PTPRZ1: variants seen among roughly 807,000 people sequenced by gnomAD.
PTPRZ1 encodes the protein protein tyrosine phosphatase receptor type Z1.
In PTPRZ1, 82 loss-of-function variants were observed where a neutral mutation model predicts 214.1. That is an observed-to-expected ratio of 0.38 (90% confidence interval 0.32 to 0.46). PTPRZ1 has a LOEUF of 0.46. PTPRZ1 is among the 20% of genes least tolerant of loss of function. The probability of loss-of-function intolerance (pLI) is 1.00; values close to 1 mark genes in which losing one functional copy is unlikely to be tolerated. For synonymous variants in PTPRZ1, 945 were observed against 987.9 expected, an observed-to-expected ratio of 0.96 and a Z score of 0.81; for missense variants, 2,603 against 2,748.7, an observed-to-expected ratio of 0.95 and a Z score of 1.19.
In PTPRZ1 at chr7:122,042,713, T is replaced by C. The variant is rs762549164; in HGVS notation, c.5907T>C (p.Arg1969=). The change falls in exon 22 of 30, where the codon CGT becomes CGC. Residue 1969 remains arginine, a synonymous_variant. Transcript: ENST00000393386. ...TATTTGGCTTCTTAAAACACATCCG[T>C]TCACAAAGAAATTATTTGGTACAAA... ...VNIFGFLKHI[R]SQRNYLVQTE... 17 of 1,612,780 alleles carry C rather than the reference T, an allele frequency of 1.1e-5. No individual in the cohort carries two copies. The East Asian group carries it at 3.6e-4, about 34-fold the overall frequency.
chr7:121,951,975 T>C lies in PTPRZ1; in HGVS notation c.125-15976T>C, dbSNP rs1421572177. On this transcript the variant is annotated intron_variant, in intron 2 of 29. Transcript: ENST00000393386. The stretch of plus-strand genomic sequence containing the variant: ...TATTTATTTATTTATTTTTTTTTTT[T>C]TGAGACGGAGTCTCGCTCTGTCGCC... 1.2e-3 allele frequency among the ~76,000 whole-genome samples: 186 copies of C among 151,944 alleles called. 1 individual carries two copies. The highest frequency in any genetic ancestry group is 4.2e-3 in the African/African-American group (174 of 41,480).
chr7:121,885,744 A>G (rs1794376100), intron 1 of PTPRZ1, among the ~76,000 whole-genome samples: 1 of 152,184 alleles, frequency 6.6e-6, no homozygotes, highest in Non-Finnish European at 1.5e-5. Flanking sequence ...CCCTATTTGG[A>G]AGGAGCTTTT....
At chr7:121,996,979 G>A (rs1290179828) in intron 9 of PTPRZ1, among the ~76,000 whole-genome samples, 1 of 152,114 alleles carries the variant, frequency 6.6e-6, no homozygotes, top group African/African-American at 2.4e-5. Context: ...CCTCTTTGTT[G>A]CACCAAAAAA....
intron 13 of PTPRZ1, among the ~76,000 whole-genome samples, chr7:122,023,978 G>T (rs1799131417): frequency 6.6e-6 from 1 of 151,314 alleles, no homozygotes; most frequent in Non-Finnish European, 1.5e-5. Context: ...TAGGACCTAT[G>T]TCTACAAGTT....
intron 6 of PTPRZ1, among the ~76,000 whole-genome samples, chr7:121,979,637 A>G (rs1797542545): frequency 2.6e-5 from 4 of 152,108 alleles, no homozygotes; most frequent in African/African-American, 7.2e-5. Context: ...TTCCACCATT[A>G]GCCTTCTCAT....
At chr7:122,058,169 T>C (rs1451125110) in intron 27 of PTPRZ1, among the ~76,000 whole-genome samples, 1 of 151,920 alleles carries the variant, frequency 6.6e-6, no homozygotes, top group African/African-American at 2.4e-5. Flanking sequence ...ATTTTGGCCC[T>C]TTGCACTTTT....
At position 122,040,896 on chromosome 7, in the gene PTPRZ1, G is replaced by A; in HGVS notation, c.5718G>A (p.Glu1906=). ...AGTGGCCTGACATGGGAGTACCAGA[G>A]TACTCCCTGCCAGTGCTGACCTTTG... The part of the protein sequence containing the change: ...YTQWPDMGVP[E]YSLPVLTFVR... Residue 1906 remains glutamate, a synonymous_variant, in exon 21 of 30, where the codon GAG becomes GAA. Transcript: ENST00000393386. The A allele has an allele frequency of 1.2e-6, 2 of 1,607,600 alleles. No individual in the cohort carries two copies. The highest frequency in any genetic ancestry group is 1.3e-5 in the African/African-American group (1 of 74,866).
At chr7:122,047,144 G>A (rs539300539) in intron 23 of PTPRZ1, among the ~76,000 whole-genome samples, 2 of 152,186 alleles carry the variant, frequency 1.3e-5, no homozygotes, top group Non-Finnish European at 2.9e-5. Context: ...GGAGGAGGCC[G>A]TTGGATTTAG....
chr7:122,051,359 ATG>A (rs746385012), intron 23 of PTPRZ1, 67 bp from the exon 24 acceptor site: 13,019 of 856,572 alleles, frequency 0.015, no homozygotes, highest in South Asian at 0.019. Flanking sequence ...GTCTGTATGT[ATG>A]TGTGTGTGTG....
chr7:122,045,784 A>T (rs1799878051), intron 23 of PTPRZ1, among the ~76,000 whole-genome samples: 1 of 152,078 alleles, frequency 6.6e-6, no homozygotes, highest in South Asian at 2.1e-4. Flanking sequence ...AAAAACATTG[A>T]TATGGTAAGC....
chr7:121,986,150 A>G (rs940823666), intron 8 of PTPRZ1, among the ~76,000 whole-genome samples: 1 of 152,208 alleles, frequency 6.6e-6, no homozygotes. Context: ...AGTAATAGCT[A>G]CTGTGTATTG....
chr7:122,008,302 T>C (rs958588399), intron 11 of PTPRZ1, among the ~76,000 whole-genome samples: 1 of 152,076 alleles, frequency 6.6e-6, no homozygotes, highest in Admixed American at 6.6e-5. Flanking sequence ...GAATGATAAC[T>C]AGAAGGTGAA....
intron 14 of PTPRZ1, among the ~76,000 whole-genome samples, chr7:122,030,703 T>C (rs1015328607): frequency 5.9e-5 from 9 of 152,004 alleles, no homozygotes; most frequent in Non-Finnish European, 1.2e-4. Flanking sequence ...ATGTGTTTGA[T>C]GTTTCCTTGT....
chr7:122,056,770 C>T (rs1371001145), intron 27 of PTPRZ1, among the ~76,000 whole-genome samples: 2 of 151,902 alleles, frequency 1.3e-5, no homozygotes, highest in East Asian at 3.8e-4. Flanking sequence ...CTATCCCCTT[C>T]ATCCTCTCCT....
intron 2 of PTPRZ1, among the ~76,000 whole-genome samples, chr7:121,929,637 C>A (rs2116378254): frequency 6.6e-6 from 1 of 151,624 alleles, no homozygotes; most frequent in Admixed American, 6.6e-5. Context: ...GAAAACCCAT[C>A]TCTACTAAAA....
In PTPRZ1 at chr7:122,012,444, A is replaced by C; in HGVS notation, c.3398A>C (p.Gln1133Pro). 1 of 1,613,616 alleles carries C rather than the reference A, an allele frequency of 6.2e-7. No individual in the cohort carries two copies. The highest frequency in any genetic ancestry group is 8.5e-7 in the Non-Finnish European group (1 of 1,179,602). Residue 1133 changes from glutamine (Q) to proline (P), a missense_variant, in exon 12 of 30, where the codon CAA becomes CCA. Transcript: ENST00000393386. ...FSVQPTHTVS[Q>P]ASGDTSLKPV... ...GTTCAACCTACACATACTGTCTCTCAAGCATCTGGTGACACTTCGCTTAAA... is the reference window on the plus strand; with the variant it reads ...GTTCAACCTACACATACTGTCTCTCCAGCATCTGGTGACACTTCGCTTAAA...
At chr7:121,971,881 A>G (rs1236408913) in intron 3 of PTPRZ1, among the ~76,000 whole-genome samples, 4 of 152,168 alleles carry the variant, frequency 2.6e-5, no homozygotes, top group Non-Finnish European at 5.9e-5. Flanking sequence ...CTGGGCTCTC[A>G]AGAGAGCTCT....
chr7:122,051,542 A>G (rs931875020), intron 24 of PTPRZ1, 21 bp downstream of exon 24: 2 of 1,585,176 alleles, frequency 1.3e-6, no homozygotes, highest in South Asian at 1.1e-5. Flanking sequence ...TTGATCCTTG[A>G]AAAAACAACT....
intron 20 of PTPRZ1, among the ~76,000 whole-genome samples, chr7:122,039,812 A>T (rs1158715806): frequency 6.6e-6 from 1 of 152,128 alleles, no homozygotes; most frequent in Non-Finnish European, 1.5e-5. Context: ...AGCCTGGCCA[A>T]CATGGTGAAA....
Sources: gnomAD v4.1 joint callset for allele counts (sites outside exome capture counted in the v4.1 genomes callset) on GRCh38, gnomAD v4.1.1 for gene constraint, MANE v1.5 for transcripts, NCBI Gene and HGNC (gene_info 2026-07-23, HGNC 2026-07-21) for gene names.